The following MARCHF1 variants were observed in gnomAD, a reference collection of about 807,000 sequenced individuals.
MARCHF1 encodes the protein E3 ubiquitin-protein ligase MARCHF1.
A neutral mutation model predicts 54.2 loss-of-function variants in MARCHF1; 40 were observed. That is an observed-to-expected ratio of 0.74 (90% CI 0.57 to 0.96). The LOEUF (loss-of-function observed/expected upper bound fraction) is 0.96, where lower values mean the gene tolerates loss of function less well. MARCHF1 is among the 40% of genes least tolerant of loss of function. MARCHF1 has a pLI of 0.00. For missense variants in MARCHF1, 586 were observed against 656.5 expected, an observed-to-expected ratio of 0.89 and a Z score of 1.17; for synonymous variants, 236 against 236.3, an observed-to-expected ratio of 1.00 and a Z score of 0.01.
chr4:163,620,267 T>C lies in MARCHF1; in HGVS notation c.163-6874A>G, dbSNP rs373491326. The stretch of plus-strand genomic sequence containing the variant: ...TTTTAAAGAGATTGATAATACCCAG[T>C]GTAGCCGAGGTGGGGAAGCCACGCG... On this transcript the variant is annotated intron_variant, in intron 5 of 9. Transcript: ENST00000514618. 2.0e-5 allele frequency among the ~76,000 whole-genome samples: 3 copies of C among 152,266 alleles called. No homozygotes were observed. The South Asian group carries it at 6.2e-4, about 32-fold the overall frequency.
chr4:164,109,912 T>TAAAAAAAAAAAAAAAA (rs57433858), intron 2 of MARCHF1, among the ~76,000 whole-genome samples: 9 of 63,152 alleles, frequency 1.4e-4, no homozygotes, highest in Non-Finnish European at 2.2e-4. Context: ...AAAATAAAAG[T>TAAAAAAAAAAAAAAAA]AAAAAAAAAA....
intron 2 of MARCHF1, among the ~76,000 whole-genome samples, chr4:164,100,454 C>A (rs1755517188): frequency 6.6e-6 from 1 of 152,166 alleles, no homozygotes; most frequent in Non-Finnish European, 1.5e-5. Flanking sequence ...CAAATTTAAT[C>A]CTGCACACAG....
chr4:164,094,554 G>C (rs1479594694), intron 2 of MARCHF1, among the ~76,000 whole-genome samples: 1 of 152,110 alleles, frequency 6.6e-6, no homozygotes, highest in Non-Finnish European at 1.5e-5. Flanking sequence ...TTACCTAAGA[G>C]AGCAAGGGAA....
At chr4:164,383,213 C>CT (rs1243040671) in intron 1 of MARCHF1, 2 of 152,306 alleles carry the variant, frequency 1.3e-5, no homozygotes, top group African/African-American at 4.8e-5. Flanking sequence ...CTCCTGGCGT[C>CT]TTAAGTCCCA....
intron 1 of MARCHF1, among the ~76,000 whole-genome samples, chr4:164,316,847 T>C (rs760056417): frequency 2.3e-4 from 35 of 152,216 alleles, no homozygotes; most frequent in Admixed American, 3.3e-4. Context: ...TAAAAGTATA[T>C]AGCACCTTCC....
chr4:163,723,694 C>G (rs1399887987), intron 4 of MARCHF1, among the ~76,000 whole-genome samples: 1 of 152,170 alleles, frequency 6.6e-6, no homozygotes, highest in Non-Finnish European at 1.5e-5. Context: ...TTCACATAGT[C>G]CCATATTTCT....
At chr4:163,855,763 C>T (rs917460332) in intron 3 of MARCHF1, among the ~76,000 whole-genome samples, 1 of 152,064 alleles carries the variant, frequency 6.6e-6, no homozygotes, top group Non-Finnish European at 1.5e-5. Context: ...ATTATGACAC[C>T]ATCAGTATCC....
intron 1 of MARCHF1, among the ~76,000 whole-genome samples, chr4:164,360,319 C>T (rs1407153551): frequency 6.6e-6 from 1 of 152,090 alleles, no homozygotes; most frequent in Non-Finnish European, 1.5e-5. Context: ...ATCTGACTCC[C>T]TGTTGAGTGA....
At chr4:164,201,868 A>G (rs1314271515) in intron 1 of MARCHF1, among the ~76,000 whole-genome samples, 1 of 152,214 alleles carries the variant, frequency 6.6e-6, no homozygotes, top group Non-Finnish European at 1.5e-5. Context: ...TTTTATTATG[A>G]CATATAAGCA....
chr4:163,964,100 C>G, intron 3 of MARCHF1, among the ~76,000 whole-genome samples: 1 of 151,972 alleles, frequency 6.6e-6, no homozygotes, highest in African/African-American at 2.4e-5. Context: ...ATTTCCTAAT[C>G]ATTTTCACAA....
intron 5 of MARCHF1, among the ~76,000 whole-genome samples, chr4:163,675,947 C>T (rs947297744): frequency 6.6e-6 from 1 of 152,110 alleles, no homozygotes; most frequent in African/African-American, 2.4e-5. Context: ...ACAAAGATGC[C>T]TATTTTTCCC....
At chr4:164,080,200 C>T (rs1755066521) in intron 2 of MARCHF1, among the ~76,000 whole-genome samples, 1 of 152,168 alleles carries the variant, frequency 6.6e-6, no homozygotes, top group Non-Finnish European at 1.5e-5. Flanking sequence ...GAACAGATTC[C>T]CAGCCTTTCA....
chr4:163,890,961 C>G (rs1280473684), intron 3 of MARCHF1, among the ~76,000 whole-genome samples: 1 of 151,870 alleles, frequency 6.6e-6, no homozygotes, highest in Non-Finnish European at 1.5e-5. Flanking sequence ...GAAAATTGTG[C>G]CAGGATAGTC....
intron 1 of MARCHF1, among the ~76,000 whole-genome samples, chr4:164,305,211 T>C (rs945068263): frequency 3.3e-5 from 5 of 152,116 alleles, no homozygotes; most frequent in African/African-American, 7.2e-5. Context: ...TGCATCCTAG[T>C]TGTAAAGACA....
chr4:164,330,563 A>C (rs758563125), intron 1 of MARCHF1, among the ~76,000 whole-genome samples: 6 of 152,250 alleles, frequency 3.9e-5, no homozygotes, highest in Non-Finnish European at 7.3e-5. Flanking sequence ...AAAATAAAAC[A>C]GATTATTATA....
At chr4:163,925,057 G>C (rs1460092164) in intron 3 of MARCHF1, among the ~76,000 whole-genome samples, 1 of 151,728 alleles carries the variant, frequency 6.6e-6, no homozygotes, top group Admixed American at 6.6e-5. Flanking sequence ...CAATGGTTTT[G>C]AATTTGGTCC....
intron 4 of MARCHF1, among the ~76,000 whole-genome samples, chr4:163,734,389 CCTT>C: frequency 6.6e-6 from 1 of 152,056 alleles, no homozygotes; most frequent in East Asian, 1.9e-4. Flanking sequence ...ATCCCAGTAG[CCTT>C]CTTTCTAACA....
At chr4:164,189,503 AG>A in intron 1 of MARCHF1, 1 of 742,334 alleles carries the variant, frequency 1.3e-6, no homozygotes, top group Admixed American at 2.0e-5. Flanking sequence ...CTGGTTAAAA[AG>A]TCCTTCAATG....
At chr4:164,141,985 AG>A (rs1756551186) in intron 1 of MARCHF1, among the ~76,000 whole-genome samples, 1 of 138,168 alleles carries the variant, frequency 7.2e-6, no homozygotes, top group African/African-American at 3.0e-5. Flanking sequence ...GAGCCAAAGT[AG>A]GGCGAGGCAT....
Sources: allele counts gnomAD v4.1 joint callset (sites outside exome capture counted in the v4.1 genomes callset), GRCh38; gene constraint gnomAD v4.1.1; transcripts MANE v1.5; gene names NCBI Gene and HGNC (gene_info 2026-07-23, HGNC 2026-07-21).